The following NLGN1 variants were observed in gnomAD, a reference collection of about 807,000 sequenced individuals.
The protein encoded by NLGN1 is neuroligin 1.
In NLGN1, 12 loss-of-function variants were observed where a neutral mutation model predicts 65.5. That is an observed-to-expected ratio of 0.18 (90% CI 0.12 to 0.30). The LOEUF (loss-of-function observed/expected upper bound fraction) is 0.30. Among genes scored for constraint, NLGN1 ranks in the 10% least tolerant of loss-of-function variants. The probability of loss-of-function intolerance (pLI) is 1.00; values close to 1 mark genes in which losing one functional copy is unlikely to be tolerated. For synonymous variants in NLGN1, 350 were observed against 359.5 expected, an observed-to-expected ratio of 0.97 and a Z score of 0.30; for missense variants, 750 against 1,007.1, an observed-to-expected ratio of 0.74 and a Z score of 3.46.
intron 3 of NLGN1, among the ~76,000 whole-genome samples, chr3:173,653,726 T>C (rs919160023): frequency 1.2e-4 from 19 of 152,176 alleles, no homozygotes; most frequent in Non-Finnish European, 5.9e-5. Context: ...CTGGCCATTA[T>C]GATTTGCTTG....
chr3:173,415,460 C>A (rs1713481338), intron 1 of NLGN1, among the ~76,000 whole-genome samples: 2 of 152,180 alleles, frequency 1.3e-5, no homozygotes, highest in Admixed American at 1.3e-4. Context: ...AAGCTTGATG[C>A]TATGCATAGT....
At chr3:174,276,988 G>A (rs1348761013) in intron 5 of NLGN1, among the ~76,000 whole-genome samples, 1 of 151,836 alleles carries the variant, frequency 6.6e-6, no homozygotes. Flanking sequence ...AACGGGCATT[G>A]GTTTAAGAGA....
chr3:173,736,670 T>A (rs9825718), intron 3 of NLGN1, among the ~76,000 whole-genome samples: 1 of 152,002 alleles, frequency 6.6e-6, no homozygotes, highest in African/African-American at 2.4e-5. Flanking sequence ...AAAATAATTT[T>A]GTCTTGGAAA....
chr3:173,827,108 C>G (rs901768229), intron 4 of NLGN1, among the ~76,000 whole-genome samples: 4 of 151,996 alleles, frequency 2.6e-5, no homozygotes, highest in Non-Finnish European at 5.9e-5. Flanking sequence ...ATTCCAAGAT[C>G]TGATCTGGGG....
chr3:173,962,738 G>T (rs1377660434), intron 4 of NLGN1, among the ~76,000 whole-genome samples: 1 of 152,084 alleles, frequency 6.6e-6, no homozygotes, highest in Admixed American at 6.5e-5. Flanking sequence ...TCTTGGATTT[G>T]ACCCAATAAC....
intron 3 of NLGN1, 29 bp downstream of exon 2, chr3:173,605,120 ATATATT>A (rs1171857182): frequency 1.3e-6 from 2 of 1,508,442 alleles, no homozygotes; most frequent in East Asian, 2.3e-5. Context: ...AAACAGGGAG[ATATATT>A]TATATATTTT....
chr3:173,976,873 T>C (rs1162928453), intron 4 of NLGN1, among the ~76,000 whole-genome samples: 1 of 152,068 alleles, frequency 6.6e-6, no homozygotes, highest in African/African-American at 2.4e-5. Flanking sequence ...ACTCAGTGTG[T>C]ATATTTTCAC....
chr3:174,006,838 G>T (rs968961063), intron 4 of NLGN1, among the ~76,000 whole-genome samples: 1 of 152,128 alleles, frequency 6.6e-6, no homozygotes, highest in African/African-American at 2.4e-5. Context: ...GGAGGCCGAG[G>T]TAGGTGGATC....
chr3:173,556,715 G>T (rs1274353690), intron 2 of NLGN1, among the ~76,000 whole-genome samples: 1 of 151,978 alleles, frequency 6.6e-6, no homozygotes, highest in Non-Finnish European at 1.5e-5. Flanking sequence ...TGAGTAGGAG[G>T]ATTGCTTAAG....
At chr3:173,435,209 C>G (rs1238628738) in intron 2 of NLGN1, 1 of 152,492 alleles carries the variant, frequency 6.6e-6, no homozygotes. Context: ...TCTTTTGTTC[C>G]ATTGATTTTT....
At chr3:173,771,292 T>A (rs1779539522) in intron 3 of NLGN1, among the ~76,000 whole-genome samples, 1 of 152,186 alleles carries the variant, frequency 6.6e-6, no homozygotes, top group African/African-American at 2.4e-5. Flanking sequence ...TCAAATAACA[T>A]CTGTAGAATC....
At chr3:173,674,010 C>T (rs114260291) in intron 3 of NLGN1, among the ~76,000 whole-genome samples, 494 of 152,214 alleles carry the variant, frequency 3.2e-3, no homozygotes, top group African/African-American at 0.011. Context: ...AAGTCATTTA[C>T]TTGGCCTACA....
intron 3 of NLGN1, among the ~76,000 whole-genome samples, chr3:173,707,414 A>T (rs1768203048): frequency 6.6e-6 from 1 of 152,198 alleles, no homozygotes; most frequent in Non-Finnish European, 1.5e-5. Context: ...TATACTTCAA[A>T]AGTAGTAAGT....
intron 4 of NLGN1, among the ~76,000 whole-genome samples, chr3:173,997,332 C>T (rs1484025387): frequency 1.3e-5 from 2 of 152,064 alleles, no homozygotes; most frequent in African/African-American, 4.8e-5. Flanking sequence ...ACAGAGGAGG[C>T]ACCAGACATC....
chr3:173,920,261 C>A (rs1302112414), intron 4 of NLGN1, among the ~76,000 whole-genome samples: 1 of 151,842 alleles, frequency 6.6e-6, no homozygotes, highest in East Asian at 1.9e-4. Context: ...AATAAGTGGC[C>A]CTTTGGATTG....
At chr3:174,045,143 G>A (rs934545041) in intron 4 of NLGN1, among the ~76,000 whole-genome samples, 2 of 152,064 alleles carry the variant, frequency 1.3e-5, no homozygotes, top group African/African-American at 2.4e-5. Context: ...TTACAGCAAT[G>A]CCCCACTACC....
At chr3:173,411,692 C>T (rs1712590597) in intron 1 of NLGN1, among the ~76,000 whole-genome samples, 1 of 152,084 alleles carries the variant, frequency 6.6e-6, no homozygotes, top group Non-Finnish European at 1.5e-5. Flanking sequence ...TCTATTCCTA[C>T]CCCGCCCTCC....
chr3:173,861,714 T>C (rs1729146726), intron 4 of NLGN1, among the ~76,000 whole-genome samples: 1 of 151,772 alleles, frequency 6.6e-6, no homozygotes, highest in Admixed American at 6.6e-5. Context: ...GATGTGGGGA[T>C]AGTATGTGTG....
intron 1 of NLGN1, among the ~76,000 whole-genome samples, chr3:173,423,973 T>A (rs1306853325): frequency 6.6e-6 from 1 of 152,136 alleles, no homozygotes; most frequent in Non-Finnish European, 1.5e-5. Flanking sequence ...TTTTTATACA[T>A]CCTCTGAAAT....
Sources: allele counts gnomAD v4.1 joint callset (sites outside exome capture counted in the v4.1 genomes callset), GRCh38; gene constraint gnomAD v4.1.1; transcripts MANE v1.5; gene names NCBI Gene and HGNC (gene_info 2026-07-23, HGNC 2026-07-21).